The following RARB variants were observed in gnomAD, a reference collection of about 807,000 sequenced individuals.
RARB encodes the protein retinoic acid receptor beta, also known as HBV-activated protein.
RARB carries 17 observed loss-of-function variants against 51.9 expected under a neutral mutation model. The ratio of observed to expected loss-of-function variants is 0.33; its 90% CI spans 0.22 to 0.49. The LOEUF (loss-of-function observed/expected upper bound fraction) is 0.49, where lower values mean the gene tolerates loss of function less well. RARB is among the 20% of genes least tolerant of loss of function. RARB has a pLI of 0.99. For synonymous variants in RARB, 215 were observed against 195.4 expected, an observed-to-expected ratio of 1.10 and a Z score of -0.84; for missense variants, 369 against 550.8, an observed-to-expected ratio of 0.67 and a Z score of 3.30.
chr3:25,446,344 A>G (rs1236725158), intron 1 of RARB, among the ~76,000 whole-genome samples: 1 of 152,222 alleles, frequency 6.6e-6, no homozygotes, highest in Non-Finnish European at 1.5e-5. Context: ...TTTTGTAAAT[A>G]AAGCTTTCTT....
At chr3:25,050,823 A>G (rs543832852) in intron 2 of RARB, among the ~76,000 whole-genome samples, 2 of 152,358 alleles carry the variant, frequency 1.3e-5, no homozygotes, top group Non-Finnish European at 2.9e-5. Context: ...TATTGCTTAC[A>G]TATGAAAATG....
In RARB at chr3:25,594,606, C is replaced by T. The variant is rs1701742133; in HGVS notation, c.1078C>T (p.Arg360Ter). Residue 360 changes from arginine (R) to a stop codon, truncating the protein, a stop_gained, in exon 7 of 8, where the codon CGA (arginine) becomes TGA (stop). Coordinates refer to ENST00000330688, the MANE Select transcript of RARB (RefSeq NM_000965.5). LOFTEE classifies it high-confidence loss of function. ...EALKIYIRKR[R>*]PSKPHMFPKI... ...ACTAAAAATTTATATCAGAAAAAGA[C>T]GACCCAGCAAGCCTCACATGTTTCC... 6.2e-7 allele frequency: 1 copy of T among 1,613,574 alleles called. No individual in the cohort carries two copies. Among genetic ancestry groups the T allele is most frequent in the South Asian group, 1.1e-5 (1 of 91,052 alleles).
At chr3:25,000,318 A>C (rs1697132654) in intron 2 of RARB, among the ~76,000 whole-genome samples, 1 of 152,262 alleles carries the variant, frequency 6.6e-6, no homozygotes, top group Non-Finnish European at 1.5e-5. Flanking sequence ...TTGCAAATTC[A>C]AGGGAGTGGG....
intron 3 of RARB, among the ~76,000 whole-genome samples, chr3:25,102,577 A>G (rs572462902): frequency 1.3e-5 from 2 of 151,964 alleles, no homozygotes; most frequent in East Asian, 1.9e-4. Context: ...TATAAAATAC[A>G]CATGTTCAAA....
intron 2 of RARB, among the ~76,000 whole-genome samples, chr3:24,915,610 T>C (rs530044193): frequency 6.6e-6 from 1 of 152,330 alleles, no homozygotes; most frequent in East Asian, 1.9e-4. Context: ...ATGAAGGTTT[T>C]TAAGCCTCTC....
intron 2 of RARB, among the ~76,000 whole-genome samples, chr3:25,050,940 G>A (rs1344920760): frequency 6.6e-6 from 1 of 151,964 alleles, no homozygotes; most frequent in Non-Finnish European, 1.5e-5. Flanking sequence ...ATTCTTTCTG[G>A]TGCACCAAGT....
chr3:25,118,022 A>G (rs1176648554), intron 3 of RARB, among the ~76,000 whole-genome samples: 1 of 152,208 alleles, frequency 6.6e-6, no homozygotes, highest in Non-Finnish European at 1.5e-5. Context: ...TGAGCTTTCT[A>G]GCAGTCCAAG....
intron 5 of RARB, among the ~76,000 whole-genome samples, chr3:25,190,239 A>G (rs1701067518): frequency 6.6e-6 from 1 of 152,066 alleles, no homozygotes; most frequent in African/African-American, 2.4e-5. Context: ...CTCTCTGGAC[A>G]TAGGAACAGT....
Position 25,221,569 on chromosome 3 carries a change from C to T in RARB, c.178+46994C>T, listed in dbSNP as rs1024925458. Among the ~76,000 whole-genome samples the T allele has an allele frequency of 4.6e-5, 7 of 152,302 alleles. 1 individual carries two copies. In the East Asian group the frequency reaches 1.2e-3, roughly 25 times the overall value. ...GTCAAAATTCTGCACTAGCCTAAGACATTGGTGGGTATAAGTCTAATCCCC... is the reference window on the plus strand; with the variant it reads ...GTCAAAATTCTGCACTAGCCTAAGATATTGGTGGGTATAAGTCTAATCCCC... On this transcript the variant is annotated intron_variant, in intron 5 of 11. Coordinates refer to the RARB transcript ENST00000383772.
intron 3 of RARB, among the ~76,000 whole-genome samples, chr3:25,502,281 A>T (rs1324232648): frequency 2.6e-5 from 4 of 152,144 alleles, no homozygotes; most frequent in Non-Finnish European, 5.9e-5. Flanking sequence ...CCTCTAATGG[A>T]GTTGGAGGAA....
At chr3:25,019,482 CT>C (rs535990714) in intron 2 of RARB, among the ~76,000 whole-genome samples, 20 of 148,658 alleles carry the variant, frequency 1.3e-4, no homozygotes, top group South Asian at 4.3e-4. Context: ...GCCAAATTCC[CT>C]TTTTTTTTTC....
chr3:24,958,697 C>T (rs186181748), intron 2 of RARB, among the ~76,000 whole-genome samples: 159 of 152,230 alleles, frequency 1.0e-3, no homozygotes, highest in Non-Finnish European at 1.5e-3. Flanking sequence ...TTATAGAGTC[C>T]TGGAGTTTGT....
At chr3:25,055,780 A>C (rs1356090259) in intron 2 of RARB, among the ~76,000 whole-genome samples, 1 of 152,066 alleles carries the variant, frequency 6.6e-6, no homozygotes, top group African/African-American at 2.4e-5. Flanking sequence ...CGGAATCATC[A>C]CAACCAGAAA....
intron 2 of RARB, among the ~76,000 whole-genome samples, chr3:24,892,924 T>C (rs913815858): frequency 6.6e-6 from 1 of 152,206 alleles, no homozygotes; most frequent in African/African-American, 2.4e-5. Flanking sequence ...TTGTAAGTGG[T>C]CTCTTGGCAA....
At chr3:25,574,878 G>A (rs1700861524) in intron 4 of RARB, among the ~76,000 whole-genome samples, 1 of 152,142 alleles carries the variant, frequency 6.6e-6, no homozygotes, top group African/African-American at 2.4e-5. Context: ...CGGGCTGCCA[G>A]GAGAGATGCA....
At chr3:25,438,974 G>T (rs1429352364) in intron 1 of RARB, among the ~76,000 whole-genome samples, 1 of 152,200 alleles carries the variant, frequency 6.6e-6, no homozygotes, top group Non-Finnish European at 1.5e-5. Context: ...CCTGTTTGCT[G>T]TTGAAGTCTA....
At chr3:25,102,500 A>G (rs1699422841) in intron 3 of RARB, among the ~76,000 whole-genome samples, 1 of 152,126 alleles carries the variant, frequency 6.6e-6, no homozygotes, top group African/African-American at 2.4e-5. Context: ...AGATCGTGCC[A>G]TTGCACTCCA....
intron 5 of RARB, among the ~76,000 whole-genome samples, chr3:25,336,861 G>C (rs1705078499): frequency 6.6e-6 from 1 of 152,166 alleles, no homozygotes; most frequent in South Asian, 2.1e-4. Flanking sequence ...TCACTTGGGA[G>C]ACCCAGAGTG....
chr3:25,334,681 A>G (rs920197949), intron 5 of RARB, among the ~76,000 whole-genome samples: 1 of 152,080 alleles, frequency 6.6e-6, no homozygotes, highest in Admixed American at 6.6e-5. Flanking sequence ...AGTGTAATAA[A>G]AAAAGTAAAA....
Sources: gnomAD v4.1 joint callset for allele counts (sites outside exome capture counted in the v4.1 genomes callset) on GRCh38, gnomAD v4.1.1 for gene constraint, MANE v1.5 for transcripts, NCBI Gene and HGNC (gene_info 2026-07-23, HGNC 2026-07-21) for gene names.